Variants in MLLT10 observed in about 807,000 individuals in gnomAD.
MLLT10 encodes protein AF-10.
In MLLT10, 30 loss-of-function variants were observed where a neutral mutation model predicts 129.1. That is an observed-to-expected ratio of 0.23 (90% CI 0.17 to 0.32). The LOEUF is 0.32. MLLT10 is among the 10% of genes least tolerant of loss of function. MLLT10 has a pLI of 1.00. For missense variants in MLLT10, 1,119 were observed against 1,268.3 expected (o/e 0.88, Z 1.79); for synonymous variants, 490 against 446.4 (o/e 1.10, Z -1.23).
In MLLT10 at chr10:21,742,091, A is replaced by G. The variant is rs1010485645; in HGVS notation, c.*108A>G. 13 of 947,446 alleles carry G rather than the reference A, an allele frequency of 1.4e-5. No homozygotes were observed. Among genetic ancestry groups the G allele is most frequent in the East Asian group, 7.5e-5 (3 of 40,158 alleles). 58.7% of individuals were successfully genotyped at this position (947,446 alleles called of 1,614,324 possible). A position where few individuals can be genotyped will look rare whatever the true frequency, so the allele number is the denominator to read the frequency against. ...ATGAAGAAACGCAACAAGAAACTCA[A>G]TGCACAACAAAGGATTAATTGCTGC... On this transcript the variant is annotated 3_prime_UTR_variant, in exon 23 of 23. Coordinates refer to ENST00000307729, the MANE Select transcript of MLLT10 (RefSeq NM_001195626.3).
At chr10:21,706,700 A>G (rs1275908948) in intron 13 of MLLT10, among the ~76,000 whole-genome samples, 1 of 152,164 alleles carries the variant, frequency 6.6e-6, no homozygotes, top group African/African-American at 2.4e-5. Flanking sequence ...GATGAGCATT[A>G]TTATTTCTGT....
intron 13 of MLLT10, among the ~76,000 whole-genome samples, chr10:21,685,439 A>T (rs2131415227): frequency 6.6e-6 from 1 of 152,224 alleles, no homozygotes; most frequent in African/African-American, 2.4e-5. Context: ...AATTCAAGCG[A>T]TTCTCCTGCC....
At chr10:21,719,260 C>G (rs1425762695) in intron 14 of MLLT10, among the ~76,000 whole-genome samples, 1 of 152,126 alleles carries the variant, frequency 6.6e-6, no homozygotes, top group Non-Finnish European at 1.5e-5. Flanking sequence ...TAACTGACTT[C>G]TGGGGTGATA....
chr10:21,603,509 T>C (rs998530954), intron 5 of MLLT10, among the ~76,000 whole-genome samples: 1 of 152,236 alleles, frequency 6.6e-6, no homozygotes, highest in African/African-American at 2.4e-5. Context: ...TTATTAAGAA[T>C]TTCTGAAATT....
Position 21,730,924 on chromosome 10 carries a change from T to G in MLLT10, c.2088T>G (p.Ile696Met). 1 of 1,614,200 alleles carries G rather than the reference T, an allele frequency of 6.2e-7. No homozygotes were observed. Among genetic ancestry groups the G allele is most frequent in the Admixed American group, 1.7e-5 (1 of 60,018 alleles). Residue 696 changes from isoleucine (I) to methionine (M), a missense_variant, in exon 17 of 23, where the codon ATT (isoleucine) becomes ATG (methionine). By Grantham distance (10) the Ile-to-Met change is conservative (BLOSUM62 1). This residue lies in a region of MLLT10 where 1,004 missense variants were observed against 1,008.7 expected (regional missense o/e 1.00). Transcript: ENST00000307729. The stretch of plus-strand genomic sequence containing the variant: ...GATCCCCTGTAAGCAGCTTACAGAT[T>G]CGCTATGATCAACCAGGCAACAGCA... ...SPRSPVSSLQIRYDQPGNSSL... is the reference protein window; with the variant it reads ...SPRSPVSSLQMRYDQPGNSSL...
intron 3 of MLLT10, among the ~76,000 whole-genome samples, chr10:21,577,552 G>A (rs544929661): frequency 3.3e-5 from 5 of 150,402 alleles, no homozygotes; most frequent in African/African-American, 4.9e-5. Flanking sequence ...GCCCAATGCA[G>A]TCTTCACCTC....
intron 8 of MLLT10, among the ~76,000 whole-genome samples, chr10:21,639,789 G>C (rs1005795855): frequency 2.6e-5 from 4 of 152,072 alleles, no homozygotes; most frequent in Non-Finnish European, 4.4e-5. Flanking sequence ...TCTGAAATGG[G>C]GGTTTTATGA....
intron 3 of MLLT10, among the ~76,000 whole-genome samples, chr10:21,580,584 G>C (rs1238047971): frequency 6.6e-6 from 1 of 152,138 alleles, no homozygotes; most frequent in South Asian, 2.1e-4. Flanking sequence ...TAGAGACGGG[G>C]TTTCACTGTG....
intron 13 of MLLT10, among the ~76,000 whole-genome samples, chr10:21,707,098 A>G (rs1033435477): frequency 6.6e-6 from 1 of 151,840 alleles, no homozygotes; most frequent in African/African-American, 2.4e-5. Context: ...TTACCATCTC[A>G]GTAAGGGCAC....
intron 8 of MLLT10, among the ~76,000 whole-genome samples, chr10:21,646,576 CAG>C (rs1315264083): frequency 1.3e-5 from 2 of 151,616 alleles, no homozygotes; most frequent in African/African-American, 2.4e-5. Context: ...AAAAAATAAA[CAG>C]AATTTTTCTC....
intron 8 of MLLT10, among the ~76,000 whole-genome samples, chr10:21,644,398 T>C (rs528120210): frequency 6.6e-6 from 1 of 152,284 alleles, no homozygotes; most frequent in African/African-American, 2.4e-5. Context: ...GTTTAAGGGC[T>C]ATGTATTTTG....
At chr10:21,606,914 C>G (rs2044121900) in intron 5 of MLLT10, among the ~76,000 whole-genome samples, 2 of 152,182 alleles carry the variant, frequency 1.3e-5, no homozygotes, top group Admixed American at 1.3e-4. Flanking sequence ...AACAGCAGCA[C>G]ATACTACAGA....
At chr10:21,739,296 A>G (rs2131595349) in intron 21 of MLLT10, among the ~76,000 whole-genome samples, 1 of 152,212 alleles carries the variant, frequency 6.6e-6, no homozygotes, top group East Asian at 1.9e-4. Flanking sequence ...GCTCCTCTGG[A>G]GGCCTTTGGC....
chr10:21,695,061 C>CTTTTTTTTTTTTTTTTTTTTTTT (rs71393922), intron 13 of MLLT10, among the ~76,000 whole-genome samples: 2 of 104,034 alleles, frequency 1.9e-5, no homozygotes, highest in African/African-American at 3.7e-5. Context: ...TTTCTACCTT[C>CTTTTTTTTTTTTTTTTTTTTTTT]TTTTTTTTTT....
intron 8 of MLLT10, among the ~76,000 whole-genome samples, chr10:21,644,600 T>A (rs2048312228): frequency 6.6e-6 from 1 of 152,168 alleles, no homozygotes; most frequent in Non-Finnish European, 1.5e-5. Context: ...GGGTGTATTT[T>A]AGTCTTATGG....
rs1448633244 is a variant in MLLT10 at position 21,705,173 on chromosome 10, A to G, written c.1700-8599A>G. Among the ~76,000 whole-genome samples the G allele has an allele frequency of 2.0e-5, 3 of 152,124 alleles. No individual in the cohort carries two copies. In the South Asian group the frequency reaches 6.2e-4, roughly 32 times the overall value. ...TGGGTCAACCCTCTGGATCCCAGGA[A>G]GAGTGCACTTGTATTGGTGGTGGCT... On this transcript the variant is annotated intron_variant, in intron 13 of 22. Coordinates refer to ENST00000307729, the MANE Select transcript of MLLT10 (RefSeq NM_001195626.3).
chr10:21,563,499 G>C (rs1334732146), intron 3 of MLLT10, among the ~76,000 whole-genome samples: 1 of 152,028 alleles, frequency 6.6e-6, no homozygotes, highest in African/African-American at 2.4e-5. Context: ...CTCCACCCTG[G>C]GCGACAGAGT....
chr10:21,617,245 T>A, intron 8 of MLLT10, 38 bp downstream of exon 8: 1 of 1,197,330 alleles, frequency 8.4e-7, no homozygotes, highest in Non-Finnish European at 1.1e-6. Flanking sequence ...GTAGCACATC[T>A]ACTTAATAGA....
At chr10:21,601,660 C>G (rs927868546) in intron 5 of MLLT10, among the ~76,000 whole-genome samples, 2 of 152,176 alleles carry the variant, frequency 1.3e-5, no homozygotes, top group African/African-American at 4.8e-5. Flanking sequence ...TCCTGAGTAA[C>G]TAGGAGTACA....
Sources: gnomAD v4.1 joint callset for allele counts (sites outside exome capture counted in the v4.1 genomes callset) on GRCh38, gnomAD v4.1.1 for gene constraint, gnomAD v4.1.1 regional missense constraint, MANE v1.5 for transcripts, NCBI Gene and HGNC (gene_info 2026-07-23, HGNC 2026-07-21) for gene names.